SHANK2: variants seen among roughly 807,000 people sequenced by gnomAD.
SHANK2 encodes SH3 and multiple ankyrin repeat domains 2, also known as SH3 and multiple ankyrin repeat domains protein 2.
In SHANK2, 43 loss-of-function variants were observed where a neutral mutation model predicts 133.7. The observed-to-expected ratio is 0.32, with a 90% CI of 0.25 to 0.41. SHANK2 has a LOEUF of 0.41. Among genes scored for constraint, SHANK2 ranks in the 10% least tolerant of loss-of-function variants. The pLI, the probability that SHANK2 is intolerant of heterozygous loss-of-function variation, is 1.00. For missense variants in SHANK2, 1,994 were observed against 2,235.8 expected (o/e 0.89, Z 2.18); for synonymous variants, 1,017 against 952.8 (o/e 1.07, Z -1.24).
At chr11:70,932,916 G>A (rs578191932) in intron 10 of SHANK2, among the ~76,000 whole-genome samples, 1 of 152,334 alleles carries the variant, frequency 6.6e-6, no homozygotes, top group Admixed American at 6.5e-5. Context: ...CTGTGGCTGG[G>A]AATGTAAAAT....
At chr11:71,172,922 C>T (rs372684314) in intron 2 of SHANK2, among the ~76,000 whole-genome samples, 52 of 152,342 alleles carry the variant, frequency 3.4e-4, no homozygotes, top group African/African-American at 1.2e-3. Flanking sequence ...ACAGCAAATT[C>T]GTGCTCCTTC....
intron 10 of SHANK2, among the ~76,000 whole-genome samples, chr11:70,902,565 G>A (rs1337861848): frequency 6.6e-6 from 1 of 152,248 alleles, no homozygotes; most frequent in Non-Finnish European, 1.5e-5. Flanking sequence ...AGCCTTTGCT[G>A]TGACCTTATG....
At chr11:70,653,882 C>T (rs1393565866) in intron 17 of SHANK2, among the ~76,000 whole-genome samples, 1 of 152,214 alleles carries the variant, frequency 6.6e-6, no homozygotes, top group African/African-American at 2.4e-5. Flanking sequence ...GATCTGCCTG[C>T]CTTGGCCTCC....
chr11:70,695,880 C>T (rs1478852036), intron 15 of SHANK2, among the ~76,000 whole-genome samples: 3 of 152,198 alleles, frequency 2.0e-5, no homozygotes, highest in Non-Finnish European at 4.4e-5. Context: ...TGATCCCTCG[C>T]CATGGGAGTA....
chr11:70,698,366 A>G (rs1456105514), intron 15 of SHANK2: 2 of 419,466 alleles, frequency 4.8e-6, no homozygotes, highest in East Asian at 9.4e-5. Context: ...CTGCTGCCCC[A>G]ATACTGCCTC....
chr11:70,737,980 G>A (rs1427602235), intron 14 of SHANK2, among the ~76,000 whole-genome samples: 3 of 152,256 alleles, frequency 2.0e-5, no homozygotes, highest in African/African-American at 7.2e-5. Flanking sequence ...ACCAGAATCT[G>A]GGCCCAGGCC....
At chr11:71,194,652 C>A (rs1467229171) in intron 2 of SHANK2, among the ~76,000 whole-genome samples, 1 of 152,186 alleles carries the variant, frequency 6.6e-6, no homozygotes, top group African/African-American at 2.4e-5. Context: ...TCAGAGCCAA[C>A]CTGCAAGTAA....
intron 10 of SHANK2, among the ~76,000 whole-genome samples, chr11:70,900,451 C>T (rs1167607206): frequency 6.6e-6 from 1 of 152,172 alleles, no homozygotes; most frequent in Non-Finnish European, 1.5e-5. Flanking sequence ...CCAGGTCACC[C>T]AGCGCCCCAC....
intron 10 of SHANK2, among the ~76,000 whole-genome samples, chr11:70,925,457 C>T (rs1489432766): frequency 2.0e-5 from 3 of 152,106 alleles, no homozygotes; most frequent in Non-Finnish European, 2.9e-5. Flanking sequence ...TGCCTGGTGC[C>T]CCACCCCATG....
chr11:70,661,447 A>C, intron 16 of SHANK2, 149 bp downstream of exon 16: 1 of 837,700 alleles, frequency 1.2e-6, no homozygotes, highest in Non-Finnish European at 1.9e-6. Flanking sequence ...CCCAGGAAAA[A>C]TGCTTATTTA....
chr11:70,896,306 TCCTTAGCC>T (rs1949933757), intron 11 of SHANK2, 187 bp downstream of exon 11: 2 of 544,016 alleles, frequency 3.7e-6, no homozygotes, highest in Non-Finnish European at 6.5e-6. Flanking sequence ...TCTAAGGTCT[TCCTTAGCC>T]CCATCCCCAC....
rs370031971 is a variant in SHANK2 at position 70,486,619 on chromosome 11, C to T, written c.3674G>A (p.Arg1225Gln). ...PLALALSARD[R>Q]AMKESQQGPK... ...TCCCTGTTGAGACTCCTTCATGGCT[C>T]GGTCCCTTGCGGAGAGTGCCAGGGC... Residue 1225 changes from arginine (R) to glutamine (Q), a missense_variant, in exon 25 of 26, where the codon CGA (arginine) becomes CAA (glutamine). Arg to Gln is a conservative substitution (Grantham distance 43). Transcript: ENST00000601538. This position sits in a 1 kb window ranked among gnomAD's most constrained non-coding sequence, Gnocchi z 8.0. The T allele has an allele frequency of 1.1e-5, 18 of 1,613,312 alleles. No individual in the cohort carries two copies. Among genetic ancestry groups the T allele is most frequent in the South Asian group, 8.8e-5 (8 of 91,080 alleles).
intron 14 of SHANK2, among the ~76,000 whole-genome samples, chr11:70,730,356 A>G (rs149478351): frequency 6.6e-6 from 1 of 151,222 alleles, no homozygotes; most frequent in Non-Finnish European, 1.5e-5. Context: ...TGAGATTGCA[A>G]CCTCCCCACT....
intron 14 of SHANK2, among the ~76,000 whole-genome samples, chr11:70,798,114 T>C (rs1411236912): frequency 6.6e-6 from 1 of 152,108 alleles, no homozygotes; most frequent in Non-Finnish European, 1.5e-5. Flanking sequence ...TTTTATGCCA[T>C]CGATAGAAGA....
chr11:70,727,729 T>C (rs1231012045), intron 14 of SHANK2, among the ~76,000 whole-genome samples: 1 of 152,184 alleles, frequency 6.6e-6, no homozygotes, highest in Non-Finnish European at 1.5e-5. Flanking sequence ...AGACTCAGGA[T>C]AGAGGACCTC....
At chr11:70,841,526 T>C (rs1948904868) in intron 11 of SHANK2, among the ~76,000 whole-genome samples, 1 of 152,208 alleles carries the variant, frequency 6.6e-6, no homozygotes, top group Non-Finnish European at 1.5e-5. Flanking sequence ...TTTGGCCCCA[T>C]CGCTGACCCA....
intron 17 of SHANK2, among the ~76,000 whole-genome samples, chr11:70,549,362 C>T (rs116884034): frequency 6.6e-6 from 1 of 152,242 alleles, no homozygotes; most frequent in Admixed American, 6.5e-5. Context: ...CCCAAGCCCA[C>T]AGTCACACTG....
chr11:71,178,585 T>C (rs782319637), intron 2 of SHANK2, among the ~76,000 whole-genome samples: 1 of 152,230 alleles, frequency 6.6e-6, no homozygotes, highest in South Asian at 2.1e-4. Flanking sequence ...ATAGATATTA[T>C]GCTATGCACA....
chr11:70,730,450 C>T (rs944507371), intron 14 of SHANK2, among the ~76,000 whole-genome samples: 2 of 152,170 alleles, frequency 1.3e-5, no homozygotes, highest in South Asian at 4.1e-4. Context: ...GCTGTGCACA[C>T]CCCTAACTGG....
Sources: gnomAD v4.1 joint callset for allele counts (sites outside exome capture counted in the v4.1 genomes callset) on GRCh38, gnomAD v4.1.1 for gene constraint, Gnocchi (gnomAD v3.1) non-coding constraint, MANE v1.5 for transcripts, NCBI Gene and HGNC (gene_info 2026-07-23, HGNC 2026-07-21) for gene names.